Variants in NIBAN3 observed in about 807,000 individuals in gnomAD.
NIBAN3 encodes niban apoptosis regulator 3, also known as protein Niban 3.
In NIBAN3, 66 loss-of-function variants were observed where a neutral mutation model predicts 76.4. The ratio of observed to expected loss-of-function variants is 0.86; its 90% CI spans 0.71 to 1.06. NIBAN3 has a LOEUF of 1.06. Ranked by LOEUF, NIBAN3 falls within the 50% of genes least tolerant of loss-of-function variation. The pLI, the probability that NIBAN3 is intolerant of heterozygous loss-of-function variation, is 0.00. For synonymous variants in NIBAN3, 360 were observed against 355.2 expected, an observed-to-expected ratio of 1.01 and a Z score of -0.15; for missense variants, 808 against 810.7, an observed-to-expected ratio of 1.00 and a Z score of 0.04.
At chr19:17,543,228 G>C (rs2075986981) in intron 10 of NIBAN3, 89 bp from the exon 11 acceptor site, 1 of 812,060 alleles carries the variant, frequency 1.2e-6, no homozygotes. Context: ...GGAACAGGTT[G>C]GATGCTGAGA....
Position 17,539,335 on chromosome 19 carries a change from C to G in NIBAN3, c.712-12C>G, listed in dbSNP as rs150641625. Reference sequence around the variant, plus strand: ...CGGCCGACCGCGGCGCCCATGGCCCCCTCTCCTGCAGGTGCTGACCGCGGT... The same window carrying G: ...CGGCCGACCGCGGCGCCCATGGCCCGCTCTCCTGCAGGTGCTGACCGCGGT... On this transcript the variant is annotated splice_polypyrimidine_tract_variant and intron_variant, in intron 6 of 14. Coordinates refer to ENST00000599164, the MANE Select transcript of NIBAN3 (RefSeq NM_001321827.2). The G allele has an allele frequency of 3.9e-6, 6 of 1,550,100 alleles. No homozygotes were observed. Among genetic ancestry groups the G allele is most frequent in the Non-Finnish European group, 5.2e-6 (6 of 1,148,106 alleles).
rs950178184 is a variant in NIBAN3, at chr19:17,553,463, C to G, written c.*1565C>G. The G allele has an allele frequency of 6.2e-7, 1 of 1,614,052 alleles. No homozygotes were observed. Among genetic ancestry groups the G allele is most frequent in the Non-Finnish European group, 8.5e-7 (1 of 1,180,036 alleles). ...TTCCGGAGTGGGTTCCACAGGGATTCCCGTGTGTTCTTGGTTCAGCTTGCA... is the reference window on the plus strand; with the variant it reads ...TTCCGGAGTGGGTTCCACAGGGATTGCCGTGTGTTCTTGGTTCAGCTTGCA... On this transcript the variant is annotated 3_prime_UTR_variant, in exon 15 of 15. Coordinates refer to ENST00000599164, the MANE Select transcript of NIBAN3 (RefSeq NM_001321827.2).
At chr19:17,539,091 G>A in intron 5 of NIBAN3, 59 bp from the exon 6 acceptor site, 1 of 1,453,870 alleles carries the variant, frequency 6.9e-7, no homozygotes, top group Non-Finnish European at 9.3e-7. Context: ...TTCCTCCCCG[G>A]GCCATCGGGA....
At chr19:17,539,308 C>G in intron 6 of NIBAN3, 39 bp from the exon 7 acceptor site, 1 of 1,559,146 alleles carries the variant, frequency 6.4e-7, no homozygotes, top group Non-Finnish European at 8.7e-7. Flanking sequence ...CCAGGACCCT[C>G]CCGGCCGACC....
intron 10 of NIBAN3, among the ~76,000 whole-genome samples, chr19:17,543,075 C>G (rs1033659944): frequency 3.3e-5 from 5 of 152,140 alleles, no homozygotes; most frequent in Admixed American, 3.3e-4. Context: ...TTCTGGGCAT[C>G]CTGGCACCAT....
At chr19:17,550,992 G>A (rs1038872927) in intron 14 of NIBAN3, among the ~76,000 whole-genome samples, 7 of 151,758 alleles carry the variant, frequency 4.6e-5, no homozygotes, top group Admixed American at 2.6e-4. Flanking sequence ...ACCTTTGTCC[G>A]GGAGGTTTAG....
intron 9 of NIBAN3, among the ~76,000 whole-genome samples, chr19:17,541,698 T>C (rs930926100): frequency 2.2e-5 from 2 of 91,306 alleles, no homozygotes; most frequent in African/African-American, 8.4e-5. Flanking sequence ...TTTTATTTTA[T>C]TTTATTTTTG....
At chr19:17,539,023 T>G in intron 5 of NIBAN3, 127 bp from the exon 6 acceptor site, 1 of 744,108 alleles carries the variant, frequency 1.3e-6, no homozygotes, top group Non-Finnish European at 2.2e-6. Context: ...GCATTGCCTA[T>G]GCAAAGTTCC....
Position 17,539,654 on chromosome 19 carries a change from T to G in NIBAN3, c.868T>G (p.Cys290Gly). The change falls in exon 8 of 15, where the codon TGC becomes GGC. Residue 290 changes from cysteine to glycine, a missense_variant. By Grantham distance (159) the Cys-to-Gly change is radical (BLOSUM62 -3). Coordinates refer to ENST00000599164, the MANE Select transcript of NIBAN3 (RefSeq NM_001321827.2). The part of the protein sequence containing the change: ...AVLAGASAGL[C>G]AFQPEKDELL... Reference sequence around the variant, plus strand: ...CCTGGCCGGGGCCTCCGCCGGGCTCTGCGCCTTCCAGCCCGAAAAGGACGA... The same window carrying G: ...CCTGGCCGGGGCCTCCGCCGGGCTCGGCGCCTTCCAGCCCGAAAAGGACGA... The G allele has an allele frequency of 6.4e-7, 1 of 1,567,178 alleles. No homozygotes were observed. The highest frequency in any genetic ancestry group is 8.7e-7 in the Non-Finnish European group (1 of 1,155,762).
chr19:17,549,170 T>C (rs1273266361), intron 13 of NIBAN3, among the ~76,000 whole-genome samples: 2 of 152,190 alleles, frequency 1.3e-5, no homozygotes, highest in Admixed American at 1.3e-4. Flanking sequence ...CTAAAGATTT[T>C]ATGTATCCTT....
rs13345719 is a variant in NIBAN3, at chr19:17,541,234, C to T, written c.1170+652C>T. On this transcript the variant is annotated intron_variant, in intron 9 of 14. Transcript: ENST00000599164. ...CCTAAAATACATACATACATATATA[C>T]ATACATACATACATACATACATACA... 6.8e-4 allele frequency among the ~76,000 whole-genome samples: 3 copies of T among 4,386 alleles called. No homozygotes were observed. The South Asian group carries it at 7.0e-3, about 10-fold the overall frequency. 2.9% of individuals were successfully genotyped at this position (4,386 alleles called of 152,430 possible). A position where few individuals can be genotyped will look rare whatever the true frequency, so the allele number is the denominator to read the frequency against.
chr19:17,540,004 G>A, intron 8 of NIBAN3: 2 of 499,126 alleles, frequency 4.0e-6, no homozygotes, highest in East Asian at 3.4e-5. Flanking sequence ...TCTGTCCGGA[G>A]GAAACCAGGT....
chr19:17,540,379 C>G lies in NIBAN3; in HGVS notation c.980-13C>G. 1 of 1,469,184 alleles carries G rather than the reference C, an allele frequency of 6.8e-7. No individual in the cohort carries two copies. Among genetic ancestry groups the G allele is most frequent in the Non-Finnish European group, 9.0e-7 (1 of 1,105,256 alleles). 91.0% of individuals were successfully genotyped at this position (1,469,184 alleles called of 1,614,324 possible). A position where few individuals can be genotyped will look rare whatever the true frequency, so the allele number is the denominator to read the frequency against. Reference sequence around the variant, plus strand: ...TGCGGAGGGGACTCCAGACCAGTGTCTTCCACTCCCAGCGGATATCAGGGG... The same window carrying G: ...TGCGGAGGGGACTCCAGACCAGTGTGTTCCACTCCCAGCGGATATCAGGGG... On this transcript the variant is annotated splice_polypyrimidine_tract_variant and intron_variant, in intron 8 of 14. Coordinates refer to ENST00000599164, the MANE Select transcript of NIBAN3 (RefSeq NM_001321827.2).
At chr19:17,536,424 C>A (rs2889137) in intron 4 of NIBAN3, among the ~76,000 whole-genome samples, 133,928 of 152,036 alleles carry the variant, frequency 0.88, 59,354 homozygotes, top group Middle Eastern at 0.98. Flanking sequence ...CCTGACCTCA[C>A]GTGATCCGCC....
chr19:17,536,807 T>G (rs1810589189), intron 4 of NIBAN3, among the ~76,000 whole-genome samples: 1 of 152,038 alleles, frequency 6.6e-6, no homozygotes, highest in Non-Finnish European at 1.5e-5. Flanking sequence ...AAATCACAGC[T>G]CATAGAGCTG....
chr19:17,545,796 G>C (rs968760327), intron 12 of NIBAN3: 6 of 232,522 alleles, frequency 2.6e-5, no homozygotes, highest in Admixed American at 9.2e-5. Flanking sequence ...CTAGGAGCGA[G>C]ACCACTGAAG....
rs2076181798 is a variant in NIBAN3, at chr19:17,553,159, T to C, written c.*1261T>C. 8.6e-7 allele frequency: 1 copy of C among 1,161,028 alleles called. No homozygotes were observed. Among genetic ancestry groups the C allele is most frequent in the Non-Finnish European group, 1.2e-6 (1 of 839,898 alleles). 71.9% of individuals were successfully genotyped at this position (1,161,028 alleles called of 1,614,324 possible). The stretch of plus-strand genomic sequence containing the variant: ...TTAATTTCAGTGAATTGCCTGTTCA[T>C]AGCTTTTTTCTACTTTTCAGGAGTG... On this transcript the variant is annotated 3_prime_UTR_variant, in exon 15 of 15. Coordinates refer to ENST00000599164, the MANE Select transcript of NIBAN3 (RefSeq NM_001321827.2).
intron 13 of NIBAN3, among the ~76,000 whole-genome samples, chr19:17,548,988 T>G (rs545707318): frequency 6.6e-6 from 1 of 151,002 alleles, no homozygotes; most frequent in East Asian, 2.0e-4. Context: ...GACACCCCCA[T>G]AGATGGTGGG....
At chr19:17,531,658 C>T (rs1332658356) in intron 2 of NIBAN3, among the ~76,000 whole-genome samples, 2 of 152,240 alleles carry the variant, frequency 1.3e-5, no homozygotes, top group East Asian at 1.9e-4. Context: ...CTCAGCCTCC[C>T]GAGTAGCTGG....
Sources: allele counts gnomAD v4.1 joint callset (sites outside exome capture counted in the v4.1 genomes callset), GRCh38; gene constraint gnomAD v4.1.1; transcripts MANE v1.5; gene names NCBI Gene and HGNC (gene_info 2026-07-23, HGNC 2026-07-21).